The following OGFOD3 variants were observed in gnomAD, a reference collection of about 807,000 sequenced individuals.
OGFOD3 encodes the protein 2-oxoglutarate and iron dependent oxygenase domain containing 3, also known as 2-oxoglutarate and iron-dependent oxygenase domain-containing protein 3.
OGFOD3 carries 35 observed loss-of-function variants against 39.8 expected under a neutral mutation model. The ratio of observed to expected loss-of-function variants is 0.88; its 90% CI spans 0.67 to 1.17. The LOEUF (loss-of-function observed/expected upper bound fraction) is 1.17. Ranked by LOEUF, OGFOD3 falls within the 50% of genes most tolerant of loss-of-function variation. OGFOD3 has a pLI of 0.00. For synonymous variants in OGFOD3, 200 were observed against 192.0 expected (o/e 1.04, Z -0.34); for missense variants, 438 against 454.5 (o/e 0.96, Z 0.33).
chr17:82,418,406 C>G lies in OGFOD3; in HGVS notation c.74+6G>C. Reference sequence around the variant, plus strand: ...CAGCGCGCGCCCTTCCCCTCCTCACCGCTACCTGCTCCGGTTCCGGCGCTC... The same window carrying G: ...CAGCGCGCGCCCTTCCCCTCCTCACGGCTACCTGCTCCGGTTCCGGCGCTC... On this transcript the variant is annotated splice_donor_region_variant and intron_variant, in intron 1 of 8. Transcript: ENST00000313056. 1.4e-6 allele frequency: 2 copies of G among 1,477,998 alleles called. No homozygotes were observed. Among genetic ancestry groups the G allele is most frequent in the Non-Finnish European group, 1.8e-6 (2 of 1,119,604 alleles). The allele number at this position is 1,477,998 out of a possible 1,614,324, so 91.6% of individuals were successfully genotyped here. A position where few individuals can be genotyped will look rare whatever the true frequency, so the allele number is the denominator to read the frequency against.
chr17:82,413,419 C>A (rs1461571952), intron 2 of OGFOD3, among the ~76,000 whole-genome samples: 1 of 152,084 alleles, frequency 6.6e-6, no homozygotes, highest in Non-Finnish European at 1.5e-5. Flanking sequence ...TTTCCATAGC[C>A]GGTGGGTGAA....
In OGFOD3 at chr17:82,404,522, T is replaced by A. The variant is rs191543663; in HGVS notation, c.546-432A>T. On this transcript the variant is annotated intron_variant, in intron 6 of 8. Coordinates refer to ENST00000313056, the MANE Select transcript of OGFOD3 (RefSeq NM_024648.3). This position sits in a 1 kb window ranked among gnomAD's most constrained non-coding sequence, Gnocchi z 4.5. ...GGGAGTGGGTGTCGAGCCTGCTAAG[T>A]GTGGATGGGGTGTCTGTACTGGGGA... is the stretch of plus-strand genomic sequence containing the variant. 3.5e-3 allele frequency among the ~76,000 whole-genome samples: 538 copies of A among 151,822 alleles called. 3 individuals are homozygous for A. The highest frequency in any genetic ancestry group is 6.2e-3 in the Non-Finnish European group (418 of 67,898).
intron 7 of OGFOD3, among the ~76,000 whole-genome samples, chr17:82,398,886 C>CTTTT (rs112854665): frequency 1.4e-5 from 2 of 142,886 alleles, no homozygotes; most frequent in Admixed American, 7.2e-5. Flanking sequence ...TTTTTCTTTT[C>CTTTT]TATTTTTTTT....
intron 7 of OGFOD3, among the ~76,000 whole-genome samples, chr17:82,400,314 C>T (rs1445210368): frequency 6.6e-6 from 1 of 152,044 alleles, no homozygotes; most frequent in East Asian, 1.9e-4. Flanking sequence ...TAAAAGCTTC[C>T]CAAACACAAG....
chr17:82,396,219 C>T (rs2052670502), intron 8 of OGFOD3, among the ~76,000 whole-genome samples: 1 of 148,890 alleles, frequency 6.7e-6, no homozygotes. Context: ...CATCAAATCG[C>T]AGGTAAACAC....
chr17:82,415,591 C>T lies in OGFOD3; in HGVS notation c.111G>A (p.Arg37=). ...TCCTTAGCCACGGCCTCTGCCACAG[C>T]CTCTGCACCTCCCGCGGGGCTCGGT... ...KKDRAPREVQ[R]LWQRPWLRTA... Residue 37 remains arginine, a synonymous_variant, in exon 2 of 9, where the codon AGG becomes AGA. Transcript: ENST00000313056. This position sits in a 1 kb window ranked among gnomAD's most constrained non-coding sequence, Gnocchi z 5.3. The T allele has an allele frequency of 1.9e-6, 3 of 1,613,380 alleles. No individual in the cohort carries two copies. Among genetic ancestry groups the T allele is most frequent in the Non-Finnish European group, 2.5e-6 (3 of 1,179,754 alleles).
chr17:82,400,349 G>T lies in OGFOD3; in HGVS notation c.700-2030C>A, dbSNP rs564086250. ...GTCCATGCCAGGCTCTGATTCTGGGGAGACCAGAGTAAGACAGACGTCAAG... is the reference window on the plus strand; with the variant it reads ...GTCCATGCCAGGCTCTGATTCTGGGTAGACCAGAGTAAGACAGACGTCAAG... On this transcript the variant is annotated intron_variant, in intron 7 of 8. Coordinates refer to ENST00000313056, the MANE Select transcript of OGFOD3 (RefSeq NM_024648.3). 5.6e-4 allele frequency among the ~76,000 whole-genome samples: 85 copies of T among 152,306 alleles called. 1 individual carries two copies. Among genetic ancestry groups the T allele is most frequent in the Middle Eastern group, 6.8e-3 (2 of 294 alleles).
rs2052847499 is a variant in OGFOD3, at chr17:82,405,901, T to C, written c.488+517A>G. On this transcript the variant is annotated intron_variant, in intron 5 of 8. Coordinates refer to ENST00000313056, the MANE Select transcript of OGFOD3 (RefSeq NM_024648.3). ...GGAGGCAGAGTCAAATGAGTCGAAA[T>C]TGCGCCACTGCACTCCAGCCTAGGC... 2.0e-5 allele frequency among the ~76,000 whole-genome samples: 3 copies of C among 151,998 alleles called. No homozygotes were observed. The South Asian group carries it at 6.2e-4, about 32-fold the overall frequency.
chr17:82,393,737 A>C (rs1467217433), intron 8 of OGFOD3: 2 of 152,218 alleles, frequency 1.3e-5, no homozygotes, highest in Non-Finnish European at 2.9e-5. Context: ...TCAGTCGCCC[A>C]TGCTCGTCCA....
Position 82,402,411 on chromosome 17 carries a change from G to T in OGFOD3, c.699+1526C>A, listed in dbSNP as rs576600251. Among the ~76,000 whole-genome samples the T allele has an allele frequency of 8.6e-5, 13 of 150,710 alleles. No individual in the cohort carries two copies. In the South Asian group the frequency reaches 2.5e-3, roughly 29 times the overall value. ...GATCACACAACTGCACTCCAACCTG[G>T]GCAACAGAACAAGACTGTCTCAAAA... On this transcript the variant is annotated intron_variant, in intron 7 of 8. Transcript: ENST00000313056.
Position 82,392,219 on chromosome 17 carries a change from G to A in OGFOD3, c.*179C>T, listed in dbSNP as rs2052605602. The A allele has an allele frequency of 1.4e-6, 1 of 735,908 alleles. No homozygotes were observed. Among genetic ancestry groups the A allele is most frequent in the Non-Finnish European group, 2.2e-6 (1 of 460,512 alleles). 45.6% of individuals were successfully genotyped at this position (735,908 alleles called of 1,614,324 possible). A position where few individuals can be genotyped will look rare whatever the true frequency, so the allele number is the denominator to read the frequency against. ...CAAGCACACATGATGCTGGAGAAGT[G>A]AAAAGCTGGTTCCCTTCATTTACTC... On this transcript the variant is annotated 3_prime_UTR_variant, in exon 9 of 9. Transcript: ENST00000313056. This position sits in a 1 kb window ranked among gnomAD's most constrained non-coding sequence, Gnocchi z 4.2.
chr17:82,393,133 CATTT>C (rs1403495348), intron 8 of OGFOD3: 1 of 152,530 alleles, frequency 6.6e-6, no homozygotes, highest in Non-Finnish European at 1.5e-5. Flanking sequence ...GACGCCAGTT[CATTT>C]GTCTTCACAT....
chr17:82,408,404 T>C (rs982172533), intron 4 of OGFOD3, among the ~76,000 whole-genome samples: 1 of 152,092 alleles, frequency 6.6e-6, no homozygotes, highest in Non-Finnish European at 1.5e-5. Flanking sequence ...GGAAACCGCA[T>C]GGGAATTGGA....
intron 4 of OGFOD3, 108 bp downstream of exon 4, chr17:82,409,260 T>C: frequency 3.5e-6 from 4 of 1,129,912 alleles, no homozygotes; most frequent in Non-Finnish European, 5.3e-6. Flanking sequence ...CCCACCCACA[T>C]TTGGGGGCAC....
chr17:82,405,469 G>T, intron 5 of OGFOD3, 89 bp from the exon 6 acceptor site: 1 of 1,097,126 alleles, frequency 9.1e-7, no homozygotes, highest in Non-Finnish European at 1.4e-6. Flanking sequence ...TCAAGTCCCT[G>T]AAAATCAACT....
At chr17:82,411,626 C>T (rs2052944878) in intron 2 of OGFOD3, 96 bp from the exon 3 acceptor site, 4 of 906,940 alleles carry the variant, frequency 4.4e-6, no homozygotes, top group Non-Finnish European at 5.4e-6. Flanking sequence ...TACGCCCGGT[C>T]AAATGTGAAT....
Position 82,394,452 on chromosome 17 carries a change from C to A in OGFOD3, c.824-1918G>T, listed in dbSNP as rs774179719. 1.1e-5 allele frequency: 17 copies of A among 1,613,886 alleles called. No individual in the cohort carries two copies. In the Admixed American group the frequency reaches 2.8e-4, roughly 27 times the overall value. ...GCGGGTGGTGAGTCCCCGGAGGACA[C>A]CTGACTCCAGCCTTCGCACCAGCAG... On this transcript the variant is annotated intron_variant, in intron 8 of 8. Coordinates refer to ENST00000313056, the MANE Select transcript of OGFOD3 (RefSeq NM_024648.3).
rs368711285 is a variant in OGFOD3, at chr17:82,398,180, C to T, written c.823+16G>A. On this transcript the variant is annotated intron_variant, in intron 8 of 8. Coordinates refer to ENST00000313056, the MANE Select transcript of OGFOD3 (RefSeq NM_024648.3). The stretch of plus-strand genomic sequence containing the variant: ...AGCCAGGAGCCCCACGCCCAGGCCC[C>T]GCCCGCGCCTCCTACCAGCTCTCGG... 87 of 1,613,730 alleles carry T rather than the reference C, an allele frequency of 5.4e-5. No individual in the cohort carries two copies. In the Middle Eastern group the frequency reaches 1.3e-3, roughly 24 times the overall value.
chr17:82,405,238 G>T, intron 6 of OGFOD3, 86 bp downstream of exon 6: 2 of 1,194,782 alleles, frequency 1.7e-6, no homozygotes, highest in Non-Finnish European at 2.5e-6. Flanking sequence ...TCTCCGTGGG[G>T]CCTCCCCGGA....
Sources: gnomAD v4.1 joint callset for allele counts (sites outside exome capture counted in the v4.1 genomes callset) on GRCh38, gnomAD v4.1.1 for gene constraint, Gnocchi (gnomAD v3.1) non-coding constraint, MANE v1.5 for transcripts, NCBI Gene and HGNC (gene_info 2026-07-23, HGNC 2026-07-21) for gene names.